ACSS1: variants seen among roughly 807,000 people sequenced by gnomAD.
ACSS1 encodes acyl-CoA synthetase short chain family member 1.
In ACSS1, 42 loss-of-function variants were observed where a neutral mutation model predicts 75.3. That is an observed-to-expected ratio of 0.56 (90% CI 0.44 to 0.72). ACSS1 has a LOEUF of 0.72. ACSS1 is among the 30% of genes least tolerant of loss of function. The pLI, the probability that ACSS1 is intolerant of heterozygous loss-of-function variation, is 0.00. For synonymous variants in ACSS1, 380 were observed against 376.8 expected (o/e 1.01, Z -0.10); for missense variants, 782 against 935.7 (o/e 0.84, Z 2.14).
chr20:25,032,389 G>C (rs2088841814), intron 2 of ACSS1: 2 of 1,402,970 alleles, frequency 1.4e-6, no homozygotes, highest in African/African-American at 1.5e-5. Flanking sequence ...GTGCGAAGTG[G>C]AGGAAGTGGA....
At chr20:25,057,603 G>A (rs1248948111) in intron 1 of ACSS1, among the ~76,000 whole-genome samples, 166 bp downstream of exon 1, 2 of 152,202 alleles carry the variant, frequency 1.3e-5, no homozygotes, top group Non-Finnish European at 2.9e-5. Context: ...ACGGGGTGAC[G>A]TGGAGCCACT....
intron 2 of ACSS1, among the ~76,000 whole-genome samples, chr20:25,039,723 A>C (rs942268224): frequency 6.6e-6 from 1 of 152,258 alleles, no homozygotes; most frequent in African/African-American, 2.4e-5. Flanking sequence ...TCAGCTTCTA[A>C]GAAAGCCTTG....
intron 3 of ACSS1, among the ~76,000 whole-genome samples, chr20:25,026,160 C>T (rs896858704): frequency 3.3e-5 from 5 of 152,216 alleles, no homozygotes; most frequent in African/African-American, 7.2e-5. Flanking sequence ...GGAACTGCAC[C>T]TGCTGACTAA....
intron 10 of ACSS1, 123 bp downstream of exon 10, chr20:25,013,413 G>A (rs1377138336): frequency 2.7e-5 from 35 of 1,315,932 alleles, no homozygotes; most frequent in East Asian, 7.5e-5. Flanking sequence ...CTCTGGCCTC[G>A]CGAGCACCTA....
At chr20:25,013,398 T>A in intron 10 of ACSS1, 138 bp downstream of exon 10, 1 of 1,172,902 alleles carries the variant, frequency 8.5e-7, no homozygotes, top group Non-Finnish European at 1.2e-6. Flanking sequence ...GGGTGCGGAG[T>A]CAAACTCTGG....
chr20:25,046,502 A>G (rs555349829), intron 2 of ACSS1: 1 of 410,716 alleles, frequency 2.4e-6, no homozygotes, highest in African/African-American at 2.0e-5. Context: ...GTCCAGGCAC[A>G]CCTGAGAGAC....
intron 6 of ACSS1, 138 bp downstream of exon 6, chr20:25,021,251 C>T (rs998472116): frequency 1.7e-5 from 20 of 1,189,796 alleles, no homozygotes; most frequent in African/African-American, 1.1e-4. Context: ...CCGGGCATTT[C>T]GACAGCAGGA....
At chr20:25,017,217 C>A (rs1438727704) in intron 7 of ACSS1, among the ~76,000 whole-genome samples, 1 of 152,152 alleles carries the variant, frequency 6.6e-6, no homozygotes, top group East Asian at 1.9e-4. Flanking sequence ...AAGAGTGTAT[C>A]CATGTATTAC....
chr20:25,025,786 C>T (rs922161404), intron 3 of ACSS1, among the ~76,000 whole-genome samples: 4 of 152,144 alleles, frequency 2.6e-5, no homozygotes, highest in Non-Finnish European at 4.4e-5. Flanking sequence ...CCAGCAACGG[C>T]GGGTAAAGTT....
chr20:25,055,961 C>T lies in ACSS1; in HGVS notation c.334+1808G>A, dbSNP rs185665557. Among the ~76,000 whole-genome samples the T allele has an allele frequency of 2.3e-4, 35 of 152,278 alleles. 1 individual carries two copies. The highest frequency in any genetic ancestry group is 3.9e-4 in the East Asian group (2 of 5,184). ...TTGCTGACCCATGAACAGGAGGGCACGCACATCCCAGGGGAGAAAGCTGCT... is the reference window on the plus strand; with the variant it reads ...TTGCTGACCCATGAACAGGAGGGCATGCACATCCCAGGGGAGAAAGCTGCT... On this transcript the variant is annotated intron_variant, in intron 1 of 13. Coordinates refer to ENST00000323482, the MANE Select transcript of ACSS1 (RefSeq NM_032501.4).
intron 5 of ACSS1, among the ~76,000 whole-genome samples, chr20:25,022,026 G>A (rs1476246179): frequency 6.6e-6 from 1 of 152,116 alleles, no homozygotes; most frequent in Non-Finnish European, 1.5e-5. Flanking sequence ...TAAGGAAATG[G>A]GGGAGCATAG....
intron 2 of ACSS1, chr20:25,046,284 C>T (rs1026564078): frequency 5.2e-5 from 8 of 154,020 alleles, no homozygotes; most frequent in African/African-American, 1.9e-4. Flanking sequence ...TTTGCCAGGG[C>T]CATTTCAGTG....
rs368174260 is a variant in ACSS1, at chr20:25,022,945, G to A, written c.955C>T (p.His319Tyr). 2 of 1,612,454 alleles carry A rather than the reference G, an allele frequency of 1.2e-6. No individual in the cohort carries two copies. The highest frequency in any genetic ancestry group is 2.7e-5 in the African/African-American group (2 of 74,936). ...AGYLLYAALTHKLVFDHQPGD... is the reference protein window; with the variant it reads ...AGYLLYAALTYKLVFDHQPGD... ...CCGCCCGCACAGGCCTGTACCTTGTGAGTCAGGGCGGCATAGAGCAGGTAG... is the reference window on the plus strand; with the variant it reads ...CCGCCCGCACAGGCCTGTACCTTGTAAGTCAGGGCGGCATAGAGCAGGTAG... Residue 319 changes from histidine to tyrosine, a missense_variant, in exon 5 of 14, where the codon CAC becomes TAC. His to Tyr is a moderately conservative substitution (Grantham distance 83). Transcript: ENST00000323482.
intron 12 of ACSS1, 131 bp downstream of exon 12, chr20:25,012,470 G>A: frequency 1.8e-6 from 2 of 1,139,196 alleles, no homozygotes; most frequent in Non-Finnish European, 2.6e-6. Context: ...ACTTGAGAGA[G>A]AAGAACACTG....
intron 5 of ACSS1, 87 bp from the exon 6 acceptor site, chr20:25,021,623 G>C (rs1163197255): frequency 1.3e-6 from 2 of 1,530,914 alleles, no homozygotes; most frequent in African/African-American, 2.7e-5. Flanking sequence ...GCATGCATAG[G>C]CTGCAGTCCA....
chr20:25,008,880 C>A (rs1302559020), intron 13 of ACSS1, among the ~76,000 whole-genome samples: 1 of 152,224 alleles, frequency 6.6e-6, no homozygotes, highest in Non-Finnish European at 1.5e-5. Context: ...ACCTCCTGGA[C>A]AGGTGAGCTG....
intron 2 of ACSS1, among the ~76,000 whole-genome samples, 200 bp downstream of exon 2, chr20:25,047,885 T>TGTG (rs1182574904): frequency 1.3e-5 from 2 of 151,980 alleles, no homozygotes; most frequent in Admixed American, 6.6e-5. Context: ...GCGCTGAGAG[T>TGTG]GTGGCCAGGC....
intron 3 of ACSS1, among the ~76,000 whole-genome samples, chr20:25,029,634 T>A (rs1015128632): frequency 1.3e-5 from 2 of 152,208 alleles, no homozygotes; most frequent in African/African-American, 4.8e-5. Context: ...TGCATATTAT[T>A]CACCTATTAA....
At chr20:25,029,386 C>A (rs2088783555) in intron 3 of ACSS1, among the ~76,000 whole-genome samples, 1 of 152,174 alleles carries the variant, frequency 6.6e-6, no homozygotes, top group Non-Finnish European at 1.5e-5. Context: ...CAACAAGATG[C>A]AGAGAAACTG....
Sources: gnomAD v4.1 joint callset for allele counts (sites outside exome capture counted in the v4.1 genomes callset) on GRCh38, gnomAD v4.1.1 for gene constraint, MANE v1.5 for transcripts, NCBI Gene and HGNC (gene_info 2026-07-23, HGNC 2026-07-21) for gene names.